Variants in LRRC4C observed in about 807,000 individuals in gnomAD.
The protein encoded by LRRC4C is leucine rich repeat containing 4C, also known as leucine-rich repeat-containing protein 4C.
A neutral mutation model predicts 33.6 loss-of-function variants in LRRC4C; 5 were observed. That is an observed-to-expected ratio of 0.15 (90% CI 0.08 to 0.31). The LOEUF is 0.31. LRRC4C is among the 10% of genes least tolerant of loss of function. LRRC4C has a pLI of 1.00. For synonymous variants in LRRC4C, 329 were observed against 302.0 expected, an observed-to-expected ratio of 1.09 and a Z score of -0.93; for missense variants, 560 against 796.7, an observed-to-expected ratio of 0.70 and a Z score of 3.58.
chr11:40,976,962 T>C (rs1045648400), intron 1 of LRRC4C, among the ~76,000 whole-genome samples: 1 of 152,128 alleles, frequency 6.6e-6, no homozygotes, highest in African/African-American at 2.4e-5. Flanking sequence ...ATTATACAAC[T>C]CATCGTAATA....
intron 3 of LRRC4C, among the ~76,000 whole-genome samples, chr11:40,364,553 A>G (rs1371225266): frequency 6.6e-6 from 1 of 152,122 alleles, no homozygotes; most frequent in Non-Finnish European, 1.5e-5. Flanking sequence ...CTAAAAAAGC[A>G]AGCAAACGGA....
intron 1 of LRRC4C, among the ~76,000 whole-genome samples, chr11:41,014,544 T>C (rs1263684831): frequency 6.6e-6 from 1 of 151,944 alleles, no homozygotes; most frequent in Non-Finnish European, 1.5e-5. Flanking sequence ...GATACCATGA[T>C]GTTGTAGAAA....
intron 1 of LRRC4C, among the ~76,000 whole-genome samples, chr11:41,186,733 T>A (rs950193703): frequency 6.6e-6 from 1 of 152,164 alleles, no homozygotes; most frequent in African/African-American, 2.4e-5. Flanking sequence ...GTACTATTAA[T>A]GGAACAAGAA....
intron 1 of LRRC4C, among the ~76,000 whole-genome samples, chr11:41,410,449 T>A (rs1954426123): frequency 6.6e-6 from 1 of 151,030 alleles, no homozygotes; most frequent in South Asian, 2.1e-4. Context: ...TTTCGCTCTG[T>A]CACCCAGGCT....
At chr11:40,760,935 G>C (rs1016773085) in intron 2 of LRRC4C, among the ~76,000 whole-genome samples, 1 of 148,322 alleles carries the variant, frequency 6.7e-6, no homozygotes, top group Non-Finnish European at 1.5e-5. Context: ...AGAGTTTCTG[G>C]TCTCAAACTC....
intron 3 of LRRC4C, among the ~76,000 whole-genome samples, chr11:40,339,013 TACAA>T (rs768800935): frequency 4.6e-5 from 7 of 152,234 alleles, no homozygotes; most frequent in Middle Eastern, 3.2e-3. Context: ...AGTAACCAGT[TACAA>T]AGGACCAGAG....
At position 40,944,223 on chromosome 11, in the gene LRRC4C, T is replaced by A. The variant is rs565009389; in HGVS notation, c.-495-10500A>T. On this transcript the variant is annotated intron_variant, in intron 1 of 6. Coordinates refer to ENST00000528697, the MANE Select transcript of LRRC4C (RefSeq NM_001258419.2). ...AAGATTTCATCACTAATATTTGCATTAAAAAAACCCAAGCTAAAAACATTC... is the reference window on the plus strand; with the variant it reads ...AAGATTTCATCACTAATATTTGCATAAAAAAAACCCAAGCTAAAAACATTC... Among the ~76,000 whole-genome samples the A allele has an allele frequency of 9.1e-4, 139 of 152,256 alleles. 1 individual carries two copies. The highest frequency in any genetic ancestry group is 3.3e-3 in the African/African-American group (136 of 41,570).
At chr11:41,005,006 A>ATTATTATTATTATTATTATT (rs371065177) in intron 1 of LRRC4C, among the ~76,000 whole-genome samples, 2 of 151,394 alleles carry the variant, frequency 1.3e-5, no homozygotes, top group African/African-American at 4.9e-5. Flanking sequence ...TTATTATTAT[A>ATTATTATTATTATTATTATT]ATTATTACAG....
chr11:41,355,229 C>G (rs1952118861), intron 1 of LRRC4C, among the ~76,000 whole-genome samples: 1 of 151,994 alleles, frequency 6.6e-6, no homozygotes, highest in South Asian at 2.1e-4. Context: ...TGCTCAGCAT[C>G]CCTAATCATG....
chr11:40,610,507 C>T (rs925620735), intron 3 of LRRC4C, among the ~76,000 whole-genome samples: 1 of 151,464 alleles, frequency 6.6e-6, no homozygotes, highest in Non-Finnish European at 1.5e-5. Context: ...TAAACATAGT[C>T]CTGGGAGTTC....
In LRRC4C at chr11:41,160,733, A is replaced by AAAGG. The variant is rs148078286; in HGVS notation, c.-495-227014_-495-227011dup. ...GTCCTTTCAGAATTCATTGTCTAGCAAAGGATACAGACACTCAAATGACTA... is the reference window on the plus strand; with the variant it reads ...GTCCTTTCAGAATTCATTGTCTAGCAAAGGAAGGATACAGACACTCAAATGACTA... On this transcript the variant is annotated intron_variant, in intron 1 of 6. Transcript: ENST00000528697. Among the ~76,000 whole-genome samples the AAAGG allele has an allele frequency of 2.7e-3, 412 of 152,328 alleles. 3 individuals are homozygous for AAAGG. The highest frequency in any genetic ancestry group is 9.4e-3 in the African/African-American group (392 of 41,580).
intron 1 of LRRC4C, among the ~76,000 whole-genome samples, chr11:41,335,202 C>T (rs371206648): frequency 6.6e-6 from 1 of 152,164 alleles, no homozygotes. Flanking sequence ...ACATATTAAG[C>T]ATAGTGCTTG....
intron 1 of LRRC4C, among the ~76,000 whole-genome samples, chr11:41,052,093 C>T (rs1021156402): frequency 6.6e-6 from 1 of 152,102 alleles, no homozygotes; most frequent in Non-Finnish European, 1.5e-5. Context: ...GTACCTGGGA[C>T]AAAACATAAT....
rs1397336834 is a variant in LRRC4C, at chr11:40,115,337, A to G, written c.956T>C (p.Met319Thr). The G allele has an allele frequency of 5.6e-6, 9 of 1,614,056 alleles. No homozygotes were observed. In the East Asian group the frequency reaches 6.7e-5, roughly 12 times the overall value. The change falls in exon 7 of 7, where the codon ATG becomes ACG. Residue 319 changes from methionine (M) to threonine (T), a missense_variant. Met to Thr is a moderately conservative substitution (Grantham distance 81). Coordinates refer to ENST00000528697, the MANE Select transcript of LRRC4C (RefSeq NM_001258419.2). This position sits in a 1 kb window ranked among gnomAD's most constrained non-coding sequence, Gnocchi z 6.7. Reference sequence around the variant, plus strand: ...ACAACAAGCTGTGTTCGAGGGGGCCATGTCTTTTATCCACCAGCTGAGCCA... The same window carrying G: ...ACAACAAGCTGTGTTCGAGGGGGCCGTGTCTTTTATCCACCAGCTGAGCCA... ...ILWLSWWIKD[M>T]APSNTACCAR...
intron 3 of LRRC4C, among the ~76,000 whole-genome samples, chr11:40,452,624 G>C (rs1158753307): frequency 6.6e-6 from 1 of 152,118 alleles, no homozygotes; most frequent in Non-Finnish European, 1.5e-5. Flanking sequence ...TCAGTGTGTC[G>C]ATTCCTCAGG....
At chr11:40,913,106 T>A (rs1199239720) in intron 2 of LRRC4C, among the ~76,000 whole-genome samples, 1 of 152,130 alleles carries the variant, frequency 6.6e-6, no homozygotes, top group Non-Finnish European at 1.5e-5. Flanking sequence ...TGGGAGACTT[T>A]AACACTCCAC....
At chr11:40,423,473 C>T (rs915694072) in intron 3 of LRRC4C, among the ~76,000 whole-genome samples, 2 of 151,356 alleles carry the variant, frequency 1.3e-5, no homozygotes, top group Admixed American at 6.6e-5. Flanking sequence ...GCCTCCCGAG[C>T]AGCTGGGACT....
At chr11:41,088,060 G>A (rs1199559936) in intron 1 of LRRC4C, among the ~76,000 whole-genome samples, 1 of 152,042 alleles carries the variant, frequency 6.6e-6, no homozygotes, top group Non-Finnish European at 1.5e-5. Context: ...GGTTGTAAAT[G>A]GCTTGCAAAA....
chr11:41,438,349 A>G (rs1194827151), intron 1 of LRRC4C, among the ~76,000 whole-genome samples: 1 of 152,156 alleles, frequency 6.6e-6, no homozygotes, highest in African/African-American at 2.4e-5. Flanking sequence ...AATGATGTAG[A>G]CTTACCAAAT....
Sources: gnomAD v4.1 joint callset for allele counts (sites outside exome capture counted in the v4.1 genomes callset) on GRCh38, gnomAD v4.1.1 for gene constraint, Gnocchi (gnomAD v3.1) non-coding constraint, MANE v1.5 for transcripts, NCBI Gene and HGNC (gene_info 2026-07-23, HGNC 2026-07-21) for gene names.